Variants in COL22A1 observed in about 807,000 individuals in gnomAD.
The protein encoded by COL22A1 is collagen type XXII alpha 1 chain.
In COL22A1, 221 loss-of-function variants were observed where a neutral mutation model predicts 248.9. The observed-to-expected ratio is 0.89, with a 90% CI of 0.80 to 0.99. The LOEUF (loss-of-function observed/expected upper bound fraction) is 0.99. COL22A1 is among the 50% of genes least tolerant of loss of function. The pLI, the probability that COL22A1 is intolerant of heterozygous loss-of-function variation, is 0.00. For synonymous variants in COL22A1, 891 were observed against 793.4 expected, an observed-to-expected ratio of 1.12 and a Z score of -2.07; for missense variants, 2,240 against 2,179.0, an observed-to-expected ratio of 1.03 and a Z score of -0.56.
intron 21 of COL22A1, 133 bp from the exon 22 acceptor site, chr8:138,751,644 G>A (rs377491244): frequency 9.2e-5 from 49 of 534,746 alleles, no homozygotes; most frequent in African/African-American, 3.6e-4. Flanking sequence ...GGGGAAATTC[G>A]GAGGTCCCAT....
chr8:138,605,703 A>G (rs990796853), intron 58 of COL22A1, among the ~76,000 whole-genome samples: 1 of 152,176 alleles, frequency 6.6e-6, no homozygotes, highest in Admixed American at 6.5e-5. Flanking sequence ...CAGGGAGTGG[A>G]CTGCAATATG....
At chr8:138,891,942 T>C (rs888888366) in intron 1 of COL22A1, among the ~76,000 whole-genome samples, 1 of 152,314 alleles carries the variant, frequency 6.6e-6, no homozygotes, top group African/African-American at 2.4e-5. Context: ...TGAATAACAT[T>C]AATTGATTTT....
At position 138,632,977 on chromosome 8, in the gene COL22A1, G is replaced by C. The variant is rs1246015957; in HGVS notation, c.3609+2033C>G. ...TGGGGATGGGGTAAGTGTTTTATCT[G>C]GAATAAGGATGCTGACTGAGCACCA... On this transcript the variant is annotated intron_variant, in intron 49 of 64. Coordinates refer to ENST00000303045, the MANE Select transcript of COL22A1 (RefSeq NM_152888.3). Among the ~76,000 whole-genome samples, 3 of 152,124 alleles carry C rather than the reference G, an allele frequency of 2.0e-5. No individual in the cohort carries two copies. In the East Asian group the frequency reaches 5.8e-4, roughly 29 times the overall value.
In COL22A1 at chr8:138,685,331, A is replaced by G. The variant is rs1826265266; in HGVS notation, c.2863-19T>C. ...CTGCACCCTGGAAAGAAAAGTAGAC[A>G]TTTCCCAGGGTCAATTACACTCAGC... On this transcript the variant is annotated intron_variant, in intron 37 of 64. Transcript: ENST00000303045. 1.2e-6 allele frequency: 2 copies of G among 1,601,788 alleles called. 1 individual carries two copies. Among genetic ancestry groups the G allele is most frequent in the East Asian group, 4.5e-5 (2 of 44,754 alleles).
intron 3 of COL22A1, among the ~76,000 whole-genome samples, chr8:138,862,026 TAAAAA>T (rs386414193): frequency 5.4e-5 from 5 of 93,274 alleles, no homozygotes; most frequent in Admixed American, 1.3e-4. Context: ...CTGTCTCTAC[TAAAAA>T]AAAAAAAAAA....
At position 138,895,688 on chromosome 8, in the gene COL22A1, A is replaced by G. The variant is rs143442506; in HGVS notation, c.-72-12444T>C. Among the ~76,000 whole-genome samples, 388 of 152,300 alleles carry G rather than the reference A, an allele frequency of 2.5e-3. 1 individual carries two copies. The highest frequency in any genetic ancestry group is 8.9e-3 in the African/African-American group (369 of 41,562). ...AGAAATCTATAAATAATAGCAATAT[A>G]CATAACTTTCATATCACAGCAATCC... On this transcript the variant is annotated intron_variant, in intron 1 of 64. Coordinates refer to ENST00000303045, the MANE Select transcript of COL22A1 (RefSeq NM_152888.3).
At chr8:138,675,784 A>G (rs947954893) in intron 41 of COL22A1, among the ~76,000 whole-genome samples, 2 of 152,238 alleles carry the variant, frequency 1.3e-5, no homozygotes, top group African/African-American at 4.8e-5. Context: ...TTTGTGGTAC[A>G]AAAGGGAGAA....
intron 25 of COL22A1, 30 bp from the exon 26 acceptor site, chr8:138,722,119 A>G (rs1406336560): frequency 6.5e-7 from 1 of 1,543,462 alleles, no homozygotes; most frequent in African/African-American, 1.4e-5. Flanking sequence ...CATAAATAAA[A>G]AGGAAAGGCA....
rs757114612 is a variant in COL22A1 at position 138,626,240 on chromosome 8, T to C, written c.3667A>G (p.Lys1223Glu). Residue 1223 changes from lysine (K) to glutamate (E), a missense_variant, in exon 51 of 65, where the codon AAA becomes GAA. Physicochemically the swap from Lys to Glu is moderately conservative, Grantham distance 56. Coordinates refer to ENST00000303045, the MANE Select transcript of COL22A1 (RefSeq NM_152888.3). ...GPPGIQGSPG[K>E]EGPPGPQGPS... ...CCTTGGGGGCCAGGAGGGCCTTCTT[T>C]CCCCTAAAAGATCCAAGACATAAAA... 2 of 1,608,756 alleles carry C rather than the reference T, an allele frequency of 1.2e-6. No homozygotes were observed. Among genetic ancestry groups the C allele is most frequent in the East Asian group, 2.2e-5 (1 of 44,644 alleles).
chr8:138,878,398 C>T (rs1586947478), intron 2 of COL22A1, 82 bp from the exon 3 acceptor site: 1 of 1,162,650 alleles, frequency 8.6e-7, no homozygotes, highest in South Asian at 1.8e-5. Flanking sequence ...TCACTGGGGT[C>T]ACACACACCT....
At chr8:138,688,847 G>A in intron 37 of COL22A1, 70 bp downstream of exon 37, 1 of 1,326,086 alleles carries the variant, frequency 7.5e-7, no homozygotes, top group Non-Finnish European at 1.1e-6. Context: ...AGCAGAGTGA[G>A]CTGCTCCTTC....
At position 138,724,603 on chromosome 8, in the gene COL22A1, C is replaced by A. The variant is rs1830157328; in HGVS notation, c.2247+12G>T. The A allele has an allele frequency of 6.2e-7, 1 of 1,613,620 alleles. No homozygotes were observed. The highest frequency in any genetic ancestry group is 8.5e-7 in the Non-Finnish European group (1 of 1,179,742). On this transcript the variant is annotated intron_variant, in intron 25 of 64. Coordinates refer to ENST00000303045, the MANE Select transcript of COL22A1 (RefSeq NM_152888.3). ...GGAGGAGGGGAGCAGGAAGATGTTT[C>A]CGAACACTCACCGTGGGCCCAGGAG...
intron 9 of COL22A1, among the ~76,000 whole-genome samples, chr8:138,810,164 A>G (rs1818086588): frequency 1.3e-5 from 2 of 152,286 alleles, no homozygotes; most frequent in Admixed American, 6.5e-5. Flanking sequence ...GGAAGGAAGG[A>G]GAGGACACGA....
chr8:138,906,131 G>A (rs1814986372), intron 1 of COL22A1, among the ~76,000 whole-genome samples: 1 of 152,178 alleles, frequency 6.6e-6, no homozygotes, highest in Non-Finnish European at 1.5e-5. Flanking sequence ...AGCACTTTGG[G>A]AGGCCGAGGC....
intron 3 of COL22A1, among the ~76,000 whole-genome samples, chr8:138,872,118 G>A (rs1054466138): frequency 6.6e-5 from 10 of 152,134 alleles, no homozygotes; most frequent in African/African-American, 1.4e-4. Flanking sequence ...TTTTCCCAGC[G>A]AGAACCACAG....
chr8:138,901,358 G>GTTTTTTTTTT (rs146670099), intron 1 of COL22A1, among the ~76,000 whole-genome samples: 18 of 131,506 alleles, frequency 1.4e-4, no homozygotes, highest in African/African-American at 3.9e-4. Context: ...TTACTGGCAG[G>GTTTTTTTTTT]TTTTTTTTTT....
chr8:138,679,499 G>T, intron 40 of COL22A1, 118 bp downstream of exon 40: 1 of 848,940 alleles, frequency 1.2e-6, no homozygotes. Context: ...CATGTTCTAA[G>T]CTTCCAAAGC....
Position 138,733,396 on chromosome 8 carries a change from C to T in COL22A1, c.2139+4128G>A, listed in dbSNP as rs532969787. On this transcript the variant is annotated intron_variant, in intron 23 of 64. Coordinates refer to ENST00000303045, the MANE Select transcript of COL22A1 (RefSeq NM_152888.3). ...ATCCCAGCCACCCTGGGGCTTTGCA[C>T]GCTCCAAGATGGCAGTGCTGGCTCT... 5.3e-5 allele frequency among the ~76,000 whole-genome samples: 8 copies of T among 152,300 alleles called. No individual in the cohort carries two copies. In the South Asian group the frequency reaches 1.0e-3, roughly 20 times the overall value.
At chr8:138,652,714 A>ATATT (rs1467426114) in intron 45 of COL22A1, among the ~76,000 whole-genome samples, 6 of 99,632 alleles carry the variant, frequency 6.0e-5, no homozygotes, top group African/African-American at 1.9e-4. Flanking sequence ...TTGGTCTAAA[A>ATATT]TATTTTCTTT....
Sources: allele counts gnomAD v4.1 joint callset (sites outside exome capture counted in the v4.1 genomes callset), GRCh38; gene constraint gnomAD v4.1.1; transcripts MANE v1.5; gene names NCBI Gene and HGNC (gene_info 2026-07-23, HGNC 2026-07-21).